CRHBP: variants seen among roughly 807,000 people sequenced by gnomAD.
CRHBP encodes corticotropin-releasing hormone-binding protein.
A neutral mutation model predicts 34.9 loss-of-function variants in CRHBP; 19 were observed. The observed-to-expected ratio is 0.55, with a 90% CI of 0.38 to 0.80. The LOEUF is 0.80. CRHBP is among the 30% of genes least tolerant of loss of function. The pLI is 0.00. For missense variants in CRHBP, 328 were observed against 409.2 expected, an observed-to-expected ratio of 0.80 and a Z score of 1.71; for synonymous variants, 154 against 153.4, an observed-to-expected ratio of 1.00 and a Z score of -0.03.
At chr5:76,953,491 C>T in intron 1 of CRHBP, 110 bp from the exon 2 acceptor site, 1 of 1,121,018 alleles carries the variant, frequency 8.9e-7, no homozygotes, top group Non-Finnish European at 1.3e-6. Context: ...AAACATTACC[C>T]CTCTCTCTTT....
chr5:76,956,695 G>A (rs1335513257), intron 4 of CRHBP, among the ~76,000 whole-genome samples: 1 of 151,592 alleles, frequency 6.6e-6, no homozygotes, highest in East Asian at 1.9e-4. Context: ...CTGCGCTCCA[G>A]CCGGGGTGAC....
At chr5:76,956,687 G>T (rs1031862239) in intron 4 of CRHBP, among the ~76,000 whole-genome samples, 1 of 151,664 alleles carries the variant, frequency 6.6e-6, no homozygotes, top group African/African-American at 2.4e-5. Context: ...TCGCGCCACT[G>T]CGCTCCAGCC....
At chr5:76,967,046 G>A (rs969953983) in intron 6 of CRHBP, among the ~76,000 whole-genome samples, 12 of 152,154 alleles carry the variant, frequency 7.9e-5, no homozygotes, top group Middle Eastern at 3.4e-3. Flanking sequence ...AGTTTGAGAC[G>A]AGCCTGGCTA....
intron 6 of CRHBP, among the ~76,000 whole-genome samples, chr5:76,963,825 T>C (rs1329463184): frequency 2.0e-5 from 3 of 152,188 alleles, no homozygotes; most frequent in Non-Finnish European, 4.4e-5. Context: ...CATCAATTAG[T>C]AATAGGATAA....
chr5:76,967,329 AT>A (rs1745875241), intron 6 of CRHBP, among the ~76,000 whole-genome samples: 1 of 152,210 alleles, frequency 6.6e-6, no homozygotes, highest in Admixed American at 6.5e-5. Context: ...TATTAAAATA[AT>A]TATAGGGCTT....
intron 6 of CRHBP, among the ~76,000 whole-genome samples, chr5:76,967,319 T>C (rs1454460556): frequency 2.0e-5 from 3 of 152,208 alleles, no homozygotes; most frequent in South Asian, 4.1e-4. Context: ...CTGGTACTTA[T>C]ATTAAAATAA....
chr5:76,959,774 G>C lies in CRHBP; in HGVS notation c.693+885G>C, dbSNP rs189832182. 7.8e-3 allele frequency among the ~76,000 whole-genome samples: 1,192 copies of C among 152,270 alleles called. 8 individuals are homozygous for C. The highest frequency in any genetic ancestry group is 0.013 in the South Asian group (64 of 4,830). ...TAGTGGAAGAATAGTCCTTTGATAA[G>C]GACATTTTTGGGTATCTTTGGTACA... On this transcript the variant is annotated intron_variant, in intron 5 of 6. Coordinates refer to ENST00000274368, the MANE Select transcript of CRHBP (RefSeq NM_001882.4).
chr5:76,978,449 A>G (rs1746072617), intron 3 of CRHBP, among the ~76,000 whole-genome samples: 1 of 152,220 alleles, frequency 6.6e-6, no homozygotes, highest in South Asian at 2.1e-4. Context: ...TCTGGGCTCT[A>G]AAGGAACAAC....
chr5:76,966,099 A>G (rs2150708753), intron 6 of CRHBP, among the ~76,000 whole-genome samples: 1 of 152,112 alleles, frequency 6.6e-6, no homozygotes, highest in East Asian at 1.9e-4. Flanking sequence ...GCTCACCGCA[A>G]CCTCCACCTA....
intron 6 of CRHBP, among the ~76,000 whole-genome samples, chr5:76,967,938 C>T (rs1051681164): frequency 6.6e-6 from 1 of 152,054 alleles, no homozygotes; most frequent in Non-Finnish European, 1.5e-5. Context: ...ACCTCGTGAT[C>T]CACCCACGTC....
intron 1 of CRHBP, 178 bp from the exon 2 acceptor site, chr5:76,953,423 G>T: frequency 1.2e-6 from 1 of 857,774 alleles, no homozygotes. Context: ...TGGCCGCTGG[G>T]GATACCCTGG....
At chr5:76,953,765 G>C in intron 2 of CRHBP, 71 bp downstream of exon 2, 1 of 1,459,760 alleles carries the variant, frequency 6.9e-7, no homozygotes, top group Non-Finnish European at 9.3e-7. Flanking sequence ...GGGGGGCAGA[G>C]GGCTCGCGGA....
chr5:76,959,836 G>T (rs565045012), intron 5 of CRHBP, among the ~76,000 whole-genome samples: 3 of 152,084 alleles, frequency 2.0e-5, no homozygotes, highest in Admixed American at 6.6e-5. Context: ...TGTCATTTTT[G>T]ATGTAAAATA....
intron 2 of CRHBP, chr5:76,976,245 AG>A (rs1382028640): frequency 6.6e-6 from 1 of 152,214 alleles, no homozygotes; most frequent in African/African-American, 2.4e-5. Context: ...ACTCCATTAA[AG>A]CTACCTGGAC....
At position 76,958,785 on chromosome 5, in the gene CRHBP, G is replaced by A. The variant is rs1284548100; in HGVS notation, c.589G>A (p.Val197Ile). 6.2e-7 allele frequency: 1 copy of A among 1,613,670 alleles called. No homozygotes were observed. Among genetic ancestry groups the A allele is most frequent in the Admixed American group, 1.7e-5 (1 of 59,956 alleles). Residue 197 changes from valine to isoleucine, a missense_variant, in exon 5 of 7, where the codon GTA (valine) becomes ATA (isoleucine). By Grantham distance (29) the Val-to-Ile change is conservative. Transcript: ENST00000274368. ...GACTCCAAATGGAAAGTTTACCCTGGTAGTTCCACACCAGCATCGAAACTG... is the reference window on the plus strand; with the variant it reads ...GACTCCAAATGGAAAGTTTACCCTGATAGTTCCACACCAGCATCGAAACTG... The part of the protein sequence containing the change: ...SQTPNGKFTL[V>I]VPHQHRNCSF...
At chr5:76,957,907 C>G (rs1481678083) in intron 4 of CRHBP, among the ~76,000 whole-genome samples, 1 of 152,004 alleles carries the variant, frequency 6.6e-6, no homozygotes, top group African/African-American at 2.4e-5. Flanking sequence ...CTCCTGTAAT[C>G]CTACACTTTG....
intron 3 of CRHBP, among the ~76,000 whole-genome samples, chr5:76,979,671 T>C (rs1173889909): frequency 6.6e-6 from 1 of 152,116 alleles, no homozygotes; most frequent in Non-Finnish European, 1.5e-5. Flanking sequence ...TAAATTAAGG[T>C]ATGTACATTG....
intron 2 of CRHBP, among the ~76,000 whole-genome samples, chr5:76,975,825 A>AAAAAAAAATATAT: frequency 3.2e-5 from 2 of 61,856 alleles, no homozygotes; most frequent in Admixed American, 1.8e-4. Flanking sequence ...AAAAAAAAAA[A>AAAAAAAAATATAT]ATATATATAT....
In CRHBP at chr5:76,954,186, G is replaced by A; in HGVS notation, c.333G>A (p.Lys111=). The part of the protein sequence containing the change: ...SIDCQGGDFL[K]VFDGWILKGE... ...ACTGTCAGGGCGGCGACTTCCTGAA[G>A]GTGAGGCGCCCACGGCCAGCCAACC... Residue 111 remains lysine, a splice_region_variant and synonymous_variant, in exon 3 of 7, where the codon AAG becomes AAA. Transcript: ENST00000274368. 6.2e-7 allele frequency: 1 copy of A among 1,612,292 alleles called. No individual in the cohort carries two copies. Among genetic ancestry groups the A allele is most frequent in the Non-Finnish European group, 8.5e-7 (1 of 1,179,064 alleles).
Sources: gnomAD v4.1 joint callset for allele counts (sites outside exome capture counted in the v4.1 genomes callset) on GRCh38, gnomAD v4.1.1 for gene constraint, MANE v1.5 for transcripts, NCBI Gene and HGNC (gene_info 2026-07-23, HGNC 2026-07-21) for gene names.